Variants in STX8 observed in about 807,000 individuals in gnomAD.
STX8 encodes syntaxin 8, also known as syntaxin-8.
STX8 carries 23 observed loss-of-function variants against 37.5 expected under a neutral mutation model. The observed-to-expected ratio is 0.61, with a 90% confidence interval of 0.44 to 0.87. The LOEUF (loss-of-function observed/expected upper bound fraction) is 0.87. Ranked by LOEUF, STX8 falls within the 40% of genes least tolerant of loss-of-function variation. STX8 has a pLI of 0.00. For missense variants in STX8, 313 were observed against 284.7 expected (o/e 1.10, Z -0.71); for synonymous variants, 115 against 99.1 (o/e 1.16, Z -0.95).
chr17:9,335,844 C>CACACACAG (rs1162768980), intron 7 of STX8, among the ~76,000 whole-genome samples: 3 of 149,144 alleles, frequency 2.0e-5, no homozygotes, highest in Non-Finnish European at 4.5e-5. Context: ...CACACACACA[C>CACACACAG]ACACTCACAC....
At chr17:9,444,376 C>T (rs952731633) in intron 6 of STX8, among the ~76,000 whole-genome samples, 1 of 152,202 alleles carries the variant, frequency 6.6e-6, no homozygotes, top group East Asian at 1.9e-4. Flanking sequence ...CCCCTCTCTG[C>T]CCTAGTGAAT....
chr17:9,253,641 G>A (rs1286251864), intron 7 of STX8, among the ~76,000 whole-genome samples: 2 of 152,094 alleles, frequency 1.3e-5, no homozygotes, highest in Non-Finnish European at 2.9e-5. Context: ...AGGAGATGAG[G>A]GAGAGGATGA....
intron 3 of STX8, among the ~76,000 whole-genome samples, chr17:9,546,500 G>T (rs1226501283): frequency 9.0e-6 from 1 of 110,610 alleles, no homozygotes; most frequent in Non-Finnish European, 1.9e-5. Context: ...AGCAAAAAGG[G>T]AAGTGGCGTC....
intron 6 of STX8, among the ~76,000 whole-genome samples, chr17:9,426,562 C>A (rs978069034): frequency 3.3e-5 from 5 of 151,916 alleles, no homozygotes; most frequent in Non-Finnish European, 2.9e-5. Flanking sequence ...AAACTAAAGA[C>A]CTGCCTGGGC....
intron 6 of STX8, among the ~76,000 whole-genome samples, chr17:9,449,056 C>T (rs1904951597): frequency 6.6e-6 from 1 of 152,154 alleles, no homozygotes; most frequent in Admixed American, 6.5e-5. Flanking sequence ...GATGGAAATG[C>T]AAATAATCCA....
intron 5 of STX8, among the ~76,000 whole-genome samples, chr17:9,497,034 ATT>A (rs1904430710): frequency 6.6e-6 from 1 of 152,184 alleles, no homozygotes; most frequent in African/African-American, 2.4e-5. Flanking sequence ...TAATACAATC[ATT>A]TTTTAAAAAT....
At chr17:9,394,913 T>G (rs1027307992) in intron 6 of STX8, among the ~76,000 whole-genome samples, 2 of 149,138 alleles carry the variant, frequency 1.3e-5, no homozygotes, top group Non-Finnish European at 3.0e-5. Context: ...CCATCTCTAC[T>G]AAAAATACAA....
At chr17:9,390,160 A>C (rs980876162) in intron 6 of STX8, among the ~76,000 whole-genome samples, 1 of 152,164 alleles carries the variant, frequency 6.6e-6, no homozygotes, top group Admixed American at 6.5e-5. Context: ...CAGGTTAGGC[A>C]AAAAACACAG....
At chr17:9,493,588 G>A (rs1464034818) in intron 5 of STX8, among the ~76,000 whole-genome samples, 1 of 152,186 alleles carries the variant, frequency 6.6e-6, no homozygotes, top group Non-Finnish European at 1.5e-5. Flanking sequence ...AGGGCACCAC[G>A]GGGGCTTCTG....
intron 7 of STX8, among the ~76,000 whole-genome samples, chr17:9,288,136 CAAACAAA>C (rs1289650278): frequency 4.8e-5 from 1 of 20,752 alleles, no homozygotes; most frequent in African/African-American, 2.7e-4. Flanking sequence ...AACAAACAAA[CAAACAAA>C]AAAAAAAAAA....
chr17:9,376,697 G>A (rs1911600134), intron 7 of STX8, among the ~76,000 whole-genome samples: 1 of 152,238 alleles, frequency 6.6e-6, no homozygotes, highest in African/African-American at 2.4e-5. Flanking sequence ...CTTCACTCCT[G>A]AAGTCAGCGA....
chr17:9,353,306 C>T (rs1401500588), intron 7 of STX8, among the ~76,000 whole-genome samples: 2 of 152,190 alleles, frequency 1.3e-5, no homozygotes, highest in Admixed American at 6.5e-5. Flanking sequence ...TGCCTTTTAT[C>T]TTCCTGTCCC....
chr17:9,540,180 C>G (rs1906219302), intron 4 of STX8, among the ~76,000 whole-genome samples: 1 of 152,138 alleles, frequency 6.6e-6, no homozygotes, highest in Non-Finnish European at 1.5e-5. Flanking sequence ...CCACTTCCAG[C>G]AGTCCACTTC....
intron 6 of STX8, among the ~76,000 whole-genome samples, chr17:9,476,607 C>A (rs1405040129): frequency 2.0e-5 from 3 of 152,168 alleles, no homozygotes; most frequent in Admixed American, 2.0e-4. Context: ...CACATGCCAC[C>A]ACACCCAGCT....
rs575946450 is a variant in STX8, at chr17:9,330,437, C to G, written c.643+48115G>C. ...CTCTAACCACTCCCACCCCCCAACCCGGTCTACACACAAAGCCTCCGAGGA... is the reference window on the plus strand; with the variant it reads ...CTCTAACCACTCCCACCCCCCAACCGGGTCTACACACAAAGCCTCCGAGGA... On this transcript the variant is annotated intron_variant, in intron 7 of 7. Coordinates refer to ENST00000306357, the MANE Select transcript of STX8 (RefSeq NM_004853.3). Among the ~76,000 whole-genome samples the G allele has an allele frequency of 2.0e-5, 3 of 152,048 alleles. No homozygotes were observed. In the East Asian group the frequency reaches 5.8e-4, roughly 29 times the overall value.
chr17:9,332,510 C>T (rs937730374), intron 7 of STX8, among the ~76,000 whole-genome samples: 33 of 152,270 alleles, frequency 2.2e-4, no homozygotes, highest in African/African-American at 7.5e-4. Context: ...TTCACTTCTC[C>T]CAAGGTTCCA....
intron 6 of STX8, among the ~76,000 whole-genome samples, chr17:9,397,515 CATGTGGTG>C (rs1415339074): frequency 6.6e-6 from 1 of 152,148 alleles, no homozygotes; most frequent in Non-Finnish European, 1.5e-5. Flanking sequence ...TACAACAATC[CATGTGGTG>C]ATGGATTTGA....
chr17:9,487,386 A>G (rs576906205), intron 6 of STX8, among the ~76,000 whole-genome samples: 29 of 152,096 alleles, frequency 1.9e-4, no homozygotes, highest in Non-Finnish European at 3.8e-4. Context: ...TCAGATCACA[A>G]TAAAAATCCA....
At chr17:9,362,452 A>G (rs1911089561) in intron 7 of STX8, among the ~76,000 whole-genome samples, 2 of 152,168 alleles carry the variant, frequency 1.3e-5, no homozygotes, top group Non-Finnish European at 2.9e-5. Context: ...GATTCTCTGT[A>G]ATTCTATTCC....
Sources: gnomAD v4.1 joint callset for allele counts (sites outside exome capture counted in the v4.1 genomes callset) on GRCh38, gnomAD v4.1.1 for gene constraint, MANE v1.5 for transcripts, NCBI Gene and HGNC (gene_info 2026-07-23, HGNC 2026-07-21) for gene names.